The following MTA3 variants were observed in gnomAD, a reference collection of about 807,000 sequenced individuals.
The protein encoded by MTA3 is metastasis-associated protein MTA3.
Under a neutral mutation model 83.5 loss-of-function variants are expected in MTA3, and 34 were observed. That is an observed-to-expected ratio of 0.41 (90% CI 0.31 to 0.54). MTA3 has a LOEUF of 0.54. Among genes scored for constraint, MTA3 ranks in the 20% least tolerant of loss-of-function variants. MTA3 has a pLI of 0.33. For missense variants in MTA3, 761 were observed against 726.4 expected (o/e 1.05, Z -0.55); for synonymous variants, 303 against 252.7 (o/e 1.20, Z -1.89).
chr2:42,752,314 A>G, intron 16 of MTA3: 1 of 470,786 alleles, frequency 2.1e-6, no homozygotes, highest in Non-Finnish European at 4.4e-6. Flanking sequence ...GAAGGTGAGC[A>G]TTGCTGGGTC....
chr2:42,669,736 TC>T (rs1439603060), intron 8 of MTA3, among the ~76,000 whole-genome samples: 1 of 152,232 alleles, frequency 6.6e-6, no homozygotes, highest in East Asian at 1.9e-4. Context: ...GGTCTATTAA[TC>T]CATCTTTTCC....
chr2:42,557,203 A>G (rs895625910), intron 2 of MTA3, among the ~76,000 whole-genome samples: 2 of 152,034 alleles, frequency 1.3e-5, no homozygotes, highest in East Asian at 3.9e-4. Context: ...ATATCGCACC[A>G]CTGCACTTCA....
chr2:42,656,258 C>T lies in MTA3; in HGVS notation c.558C>T (p.Ser186=). The T allele has an allele frequency of 6.2e-7, 1 of 1,613,692 alleles. No individual in the cohort carries two copies. Among genetic ancestry groups the T allele is most frequent in the Non-Finnish European group, 8.5e-7 (1 of 1,179,726 alleles). ...KLEVKVWDPN[S]PLTDRQIDQF... is the part of the protein sequence containing the mutation. ...AAGTTAAAGTTTGGGATCCAAATAG[C>T]CCACTTACGGATCGACAGATTGACC... The change falls in exon 7 of 17, where the codon AGC becomes AGT. Residue 186 remains serine, a synonymous_variant. Coordinates refer to ENST00000405094, the MANE Select transcript of MTA3 (RefSeq NM_001330442.2).
chr2:42,617,602 C>T (rs1685054729), intron 4 of MTA3, among the ~76,000 whole-genome samples: 1 of 151,834 alleles, frequency 6.6e-6, no homozygotes, highest in African/African-American at 2.4e-5. Flanking sequence ...CATGGTGAAA[C>T]CCCATCTCTA....
chr2:42,598,878 A>T (rs564362559), intron 3 of MTA3, among the ~76,000 whole-genome samples: 1 of 152,284 alleles, frequency 6.6e-6, no homozygotes, highest in African/African-American at 2.4e-5. Flanking sequence ...AAGCCTTGAC[A>T]TACATGGGAA....
chr2:42,559,801 G>A (rs549038313), intron 2 of MTA3, among the ~76,000 whole-genome samples: 9 of 140,498 alleles, frequency 6.4e-5, no homozygotes, highest in African/African-American at 2.3e-4. Flanking sequence ...ACTTGAACCC[G>A]GGGCGGGGGG....
At chr2:42,522,754 AAAGGAAGG>A in intron 2 of MTA3, among the ~76,000 whole-genome samples, 1 of 151,908 alleles carries the variant, frequency 6.6e-6, no homozygotes, top group Middle Eastern at 3.4e-3. Context: ...GATGGGAAAA[AAAGGAAGG>A]AAGGAAGGAG....
intron 9 of MTA3, among the ~76,000 whole-genome samples, chr2:42,688,383 A>G (rs768479583): frequency 6.6e-6 from 1 of 152,172 alleles, no homozygotes; most frequent in Non-Finnish European, 1.5e-5. Context: ...TGCACCTGAC[A>G]CATTATTGTC....
intron 4 of MTA3, among the ~76,000 whole-genome samples, chr2:42,621,671 G>A (rs938753662): frequency 2.8e-5 from 4 of 142,794 alleles, no homozygotes; most frequent in Non-Finnish European, 4.5e-5. Context: ...GGTGGCAGCC[G>A]GGCAGAGGGG....
intron 4 of MTA3, among the ~76,000 whole-genome samples, chr2:42,626,759 T>C (rs886732150): frequency 1.3e-5 from 2 of 152,114 alleles, no homozygotes; most frequent in African/African-American, 4.8e-5. Flanking sequence ...AATTTTTTTT[T>C]AGACAGAGTC....
intron 2 of MTA3, among the ~76,000 whole-genome samples, chr2:42,552,928 C>A (rs1411984880): frequency 6.7e-6 from 1 of 149,420 alleles, no homozygotes. Flanking sequence ...CCAGCCTGGG[C>A]GACACCGCAA....
chr2:42,508,913 A>G (rs933338772), intron 2 of MTA3, among the ~76,000 whole-genome samples: 6 of 148,944 alleles, frequency 4.0e-5, no homozygotes, highest in African/African-American at 1.5e-4. Context: ...CATATAGTAT[A>G]TATGTTGGGG....
Position 42,575,091 on chromosome 2 carries a change from C to T in MTA3, c.97-4016C>T, listed in dbSNP as rs187131680. Among the ~76,000 whole-genome samples the T allele has an allele frequency of 2.1e-3, 327 of 152,338 alleles. 2 individuals carry two copies. Among genetic ancestry groups the T allele is most frequent in the Middle Eastern group, 6.8e-3 (2 of 294 alleles). ...CTATATTCTTTGGCTGTCACTGCCCCTCTCTGACCTCCACTTTCGCTGAAA... is the reference window on the plus strand; with the variant it reads ...CTATATTCTTTGGCTGTCACTGCCCTTCTCTGACCTCCACTTTCGCTGAAA... On this transcript the variant is annotated intron_variant, in intron 2 of 16. Coordinates refer to ENST00000405094, the MANE Select transcript of MTA3 (RefSeq NM_001330442.2).
rs1245207667 is a variant in MTA3, at chr2:42,756,087, G to A, written c.*2688G>A. On this transcript the variant is annotated 3_prime_UTR_variant, in exon 17 of 17. Coordinates refer to ENST00000405094, the MANE Select transcript of MTA3 (RefSeq NM_001330442.2). ...TGTTTAACACAAAACAAGAAAAGCT[G>A]AGAGGCAAAACAGGGGAGTGAGGGG... 5 of 946,972 alleles carry A rather than the reference G, an allele frequency of 5.3e-6. No homozygotes were observed. In the East Asian group the frequency reaches 4.6e-4, roughly 88 times the overall value. 58.7% of individuals were successfully genotyped at this position (946,972 alleles called of 1,614,324 possible).
At chr2:42,725,981 G>T (rs4953602) in intron 16 of MTA3, among the ~76,000 whole-genome samples, 82,961 of 151,978 alleles carry the variant, frequency 0.55, 23,197 homozygotes, top group Middle Eastern at 0.67. Flanking sequence ...TGTTTCCTAT[G>T]TCCACAGGGT....
At chr2:42,593,981 T>G (rs1180090872) in intron 3 of MTA3, among the ~76,000 whole-genome samples, 7 of 150,558 alleles carry the variant, frequency 4.6e-5, no homozygotes, top group Non-Finnish European at 8.9e-5. Context: ...TTGAGACGTC[T>G]TCTTTTGTCA....
chr2:42,642,906 A>G (rs1487381915), intron 5 of MTA3, among the ~76,000 whole-genome samples: 1 of 151,986 alleles, frequency 6.6e-6, no homozygotes, highest in African/African-American at 2.4e-5. Flanking sequence ...CGGCCTCCCA[A>G]AGTGCTGGGA....
intron 3 of MTA3, among the ~76,000 whole-genome samples, chr2:42,587,616 G>A (rs1271373559): frequency 2.7e-5 from 4 of 149,624 alleles, no homozygotes; most frequent in African/African-American, 9.9e-5. Flanking sequence ...TTGTTTTTTT[G>A]AGACAGTCTG....
intron 16 of MTA3, among the ~76,000 whole-genome samples, chr2:42,735,020 ATTCTGTGTTT>A (rs1451988261): frequency 6.6e-6 from 1 of 152,148 alleles, no homozygotes; most frequent in African/African-American, 2.4e-5. Context: ...CTGTTATAAT[ATTCTGTGTTT>A]TTCTGTGTGC....
Sources: gnomAD v4.1 joint callset for allele counts (sites outside exome capture counted in the v4.1 genomes callset) on GRCh38, gnomAD v4.1.1 for gene constraint, MANE v1.5 for transcripts, NCBI Gene and HGNC (gene_info 2026-07-23, HGNC 2026-07-21) for gene names.